DACH1: variants seen among roughly 807,000 people sequenced by gnomAD.
DACH1 encodes dachshund homolog 1.
DACH1 carries 12 observed loss-of-function variants against 54.2 expected under a neutral mutation model. That is an observed-to-expected ratio of 0.22 (90% CI 0.14 to 0.36). DACH1 has a LOEUF of 0.36. DACH1 is among the 10% of genes least tolerant of loss of function. The probability of loss-of-function intolerance (pLI) is 1.00; values close to 1 mark genes in which losing one functional copy is unlikely to be tolerated. For missense variants in DACH1, 805 were observed against 929.8 expected (o/e 0.87, Z 1.75); for synonymous variants, 386 against 366.2 (o/e 1.05, Z -0.62).
chr13:71,809,616 A>G (rs748252841), intron 1 of DACH1, among the ~76,000 whole-genome samples: 3 of 152,226 alleles, frequency 2.0e-5, no homozygotes, highest in Non-Finnish European at 4.4e-5. Flanking sequence ...TGCTAAGCAT[A>G]TAGTAACATC....
At chr13:71,818,552 G>A (rs1388496425) in intron 1 of DACH1, among the ~76,000 whole-genome samples, 2 of 152,208 alleles carry the variant, frequency 1.3e-5, no homozygotes, top group Admixed American at 1.3e-4. Flanking sequence ...CTCCGGGGCT[G>A]TGACCCTTGT....
chr13:71,663,165 T>A (rs2138657237), intron 2 of DACH1, among the ~76,000 whole-genome samples: 1 of 152,068 alleles, frequency 6.6e-6, no homozygotes, highest in Non-Finnish European at 1.5e-5. Context: ...TATGATTGTG[T>A]GTGTGTGTGT....
At chr13:71,580,183 T>C (rs1885770465) in intron 3 of DACH1, among the ~76,000 whole-genome samples, 1 of 152,192 alleles carries the variant, frequency 6.6e-6, no homozygotes, top group Non-Finnish European at 1.5e-5. Context: ...ATCTAAAACT[T>C]ATTCATACAG....
intron 1 of DACH1, among the ~76,000 whole-genome samples, chr13:71,766,872 C>A: frequency 6.6e-6 from 1 of 151,042 alleles, no homozygotes. Flanking sequence ...AATTAAAGGC[C>A]AAAAAAGTTT....
intron 6 of DACH1, among the ~76,000 whole-genome samples, chr13:71,520,178 G>A (rs1163716634): frequency 6.6e-6 from 1 of 151,034 alleles, no homozygotes; most frequent in African/African-American, 2.4e-5. Flanking sequence ...CTGAGTCTTG[G>A]GCAGTTGTAT....
At chr13:71,568,583 CAAAGTT>C (rs1885027180) in intron 4 of DACH1, among the ~76,000 whole-genome samples, 1 of 151,906 alleles carries the variant, frequency 6.6e-6, no homozygotes, top group Non-Finnish European at 1.5e-5. Context: ...TAAAATATAA[CAAAGTT>C]AAGGTAGAAG....
At chr13:71,484,666 A>C (rs1173657395) in intron 7 of DACH1, among the ~76,000 whole-genome samples, 2 of 152,178 alleles carry the variant, frequency 1.3e-5, no homozygotes, top group Non-Finnish European at 2.9e-5. Flanking sequence ...TTATTTAACT[A>C]TTCTTATTTT....
At chr13:71,682,037 A>T in intron 1 of DACH1, 127 bp from the exon 2 acceptor site, 1 of 570,948 alleles carries the variant, frequency 1.8e-6, no homozygotes, top group South Asian at 2.4e-5. Flanking sequence ...TTGCAGTTAG[A>T]TGTAATAGAC....
chr13:71,750,789 C>T (rs1298297974), intron 1 of DACH1, among the ~76,000 whole-genome samples: 1 of 152,008 alleles, frequency 6.6e-6, no homozygotes, highest in Non-Finnish European at 1.5e-5. Context: ...AATAAGAAAA[C>T]AGCAATATGT....
At chr13:71,549,443 CAAGTA>C (rs775141008) in intron 6 of DACH1, among the ~76,000 whole-genome samples, 1 of 152,034 alleles carries the variant, frequency 6.6e-6, no homozygotes, top group Non-Finnish European at 1.5e-5. Flanking sequence ...CATCTGATCA[CAAGTA>C]AAACTACTAT....
At chr13:71,732,123 T>C (rs1326647879) in intron 1 of DACH1, among the ~76,000 whole-genome samples, 4 of 152,180 alleles carry the variant, frequency 2.6e-5, no homozygotes. Flanking sequence ...TATCTATAGC[T>C]CCATCTAGGC....
intron 4 of DACH1, 98 bp from the exon 5 acceptor site, chr13:71,560,053 T>G (rs1269075172): frequency 7.7e-7 from 1 of 1,296,854 alleles, no homozygotes; most frequent in Non-Finnish European, 1.0e-6. Flanking sequence ...ATAAGAAATG[T>G]AAAGAGAATA....
chr13:71,805,951 G>A (rs1257936646), intron 1 of DACH1, among the ~76,000 whole-genome samples: 1 of 152,038 alleles, frequency 6.6e-6, no homozygotes, highest in Non-Finnish European at 1.5e-5. Flanking sequence ...GGGATTACAG[G>A]CTTGTGCCAC....
chr13:71,493,162 G>A (rs1370160950), intron 6 of DACH1, among the ~76,000 whole-genome samples: 1 of 151,936 alleles, frequency 6.6e-6, no homozygotes, highest in Non-Finnish European at 1.5e-5. Flanking sequence ...CAACAAACAT[G>A]AGATGTCACT....
chr13:71,522,375 G>A (rs1881665102), intron 6 of DACH1, among the ~76,000 whole-genome samples: 1 of 151,940 alleles, frequency 6.6e-6, no homozygotes, highest in African/African-American at 2.4e-5. Context: ...AGGTTCTGCT[G>A]CAGCCCTTCC....
chr13:71,686,221 G>A (rs1033056030), intron 1 of DACH1, among the ~76,000 whole-genome samples: 3 of 152,090 alleles, frequency 2.0e-5, no homozygotes, highest in Non-Finnish European at 4.4e-5. Flanking sequence ...CTTAGTACAG[G>A]CTTTAGTATT....
chr13:71,693,469 A>ATTTTTTTTTTT (rs748598587), intron 1 of DACH1, among the ~76,000 whole-genome samples: 81 of 119,276 alleles, frequency 6.8e-4, no homozygotes, highest in Middle Eastern at 4.0e-3. Context: ...CGCCCGGCAA[A>ATTTTTTTTTTT]TTTTTTTTTT....
intron 1 of DACH1, among the ~76,000 whole-genome samples, chr13:71,735,062 CAT>C (rs1307134891): frequency 1.5e-4 from 10 of 66,846 alleles, no homozygotes; most frequent in Middle Eastern, 9.3e-3. Context: ...ATGGGTGATA[CAT>C]ATATATGGGA....
In DACH1 at chr13:71,652,067, T is replaced by C. The variant is rs1248598674; in HGVS notation, c.965-21350A>G. ...CATTTGTCATGCTAGATCGTATTCC[T>C]ATTTGTTTCATATGACATAGGTACC... On this transcript the variant is annotated intron_variant, in intron 2 of 10. Transcript: ENST00000613252. 2.0e-5 allele frequency among the ~76,000 whole-genome samples: 3 copies of C among 152,162 alleles called. No individual in the cohort carries two copies. The East Asian group carries it at 5.8e-4, about 29-fold the overall frequency.
Sources: allele counts gnomAD v4.1 joint callset (sites outside exome capture counted in the v4.1 genomes callset), GRCh38; gene constraint gnomAD v4.1.1; transcripts MANE v1.5; gene names NCBI Gene and HGNC (gene_info 2026-07-23, HGNC 2026-07-21).